RRM2: variants seen among roughly 807,000 people sequenced by gnomAD.
The protein encoded by RRM2 is ribonucleotide reductase regulatory subunit M2.
RRM2 carries 6 observed loss-of-function variants against 45.9 expected under a neutral mutation model. That is an observed-to-expected ratio of 0.13 (90% CI 0.07 to 0.26). RRM2 has a LOEUF of 0.26. Ranked by LOEUF, RRM2 falls within the 10% of genes least tolerant of loss-of-function variation. The probability of loss-of-function intolerance (pLI) is 1.00; values close to 1 mark genes in which losing one functional copy is unlikely to be tolerated. For missense variants in RRM2, 343 were observed against 489.5 expected, an observed-to-expected ratio of 0.70 and a Z score of 2.82; for synonymous variants, 177 against 173.0, an observed-to-expected ratio of 1.02 and a Z score of -0.18.
In RRM2 at chr2:10,143,103, G is replaced by A. The variant is rs190436766; in HGVS notation, n.482+728G>A. On this transcript the variant is annotated intron_variant and non_coding_transcript_variant, in intron 3 of 3. Transcript: ENST00000381786. ...TTAGCCAGGATGGTCTTGATCTCCT[G>A]ACCTCGTGATCTGCCTGCCTTGGCC... Among the ~76,000 whole-genome samples the A allele has an allele frequency of 1.5e-3, 229 of 152,304 alleles. 2 individuals carry two copies. Among genetic ancestry groups the A allele is most frequent in the Admixed American group, 0.012 (191 of 15,298 alleles).
intron 3 of RRM2, among the ~76,000 whole-genome samples, chr2:10,147,100 G>A (rs1021240366): frequency 6.6e-6 from 1 of 151,842 alleles, no homozygotes; most frequent in Non-Finnish European, 1.5e-5. Context: ...TTACAGGCGC[G>A]CACTACCACG....
At position 10,174,574 on chromosome 2, in the gene RRM2, T is replaced by TAA. The variant is rs5829250; in HGVS notation, n.482+32214_482+32215dup. ...ACTGTAGACTACTGAATTATTTCCT[T>TAA]AAAAAAAAAAAAAAAAGGCTAGGTA... On this transcript the variant is annotated intron_variant and non_coding_transcript_variant, in intron 3 of 3. Transcript: ENST00000381786. 4.0e-3 allele frequency among the ~76,000 whole-genome samples: 576 copies of TAA among 143,520 alleles called. 3 individuals are homozygous for TAA. Among genetic ancestry groups the TAA allele is most frequent in the East Asian group, 0.034 (167 of 4,886 alleles). 94.2% of individuals were successfully genotyped at this position (143,520 alleles called of 152,430 possible). A position where few individuals can be genotyped will look rare whatever the true frequency, so the allele number is the denominator to read the frequency against.
chr2:10,124,669 T>G (rs757742362), intron 4 of RRM2, 48 bp from the exon 5 acceptor site: 1 of 1,609,400 alleles, frequency 6.2e-7, no homozygotes, highest in South Asian at 1.1e-5. Context: ...TGACAGTTGC[T>G]GCTGTTGGTT....
chr2:10,132,419 A>G (rs1662919213), downstream of RRM2, among the ~76,000 whole-genome samples: 1 of 151,958 alleles, frequency 6.6e-6, no homozygotes, highest in Admixed American at 6.6e-5. Flanking sequence ...GGGGGAGATG[A>G]TGTTTCCTTA....
intron 3 of RRM2, among the ~76,000 whole-genome samples, chr2:10,168,975 T>G (rs536951629): frequency 1.3e-5 from 2 of 151,940 alleles, no homozygotes; most frequent in African/African-American, 4.8e-5. Flanking sequence ...TATTATAATA[T>G]TTATTTATTT....
intron 3 of RRM2, among the ~76,000 whole-genome samples, chr2:10,174,869 T>A (rs947375313): frequency 1.3e-5 from 1 of 79,744 alleles, no homozygotes; most frequent in South Asian, 4.8e-4. Flanking sequence ...TCAAAAATGG[T>A]TAAAAAAAAA....
At chr2:10,180,605 G>T (rs930517142) in intron 3 of RRM2, among the ~76,000 whole-genome samples, 6 of 152,222 alleles carry the variant, frequency 3.9e-5, no homozygotes, top group Admixed American at 1.3e-4. Flanking sequence ...CCTGCCTCCT[G>T]CTCACTAGGC....
At chr2:10,173,534 G>A (rs1291091284) in intron 3 of RRM2, among the ~76,000 whole-genome samples, 1 of 152,184 alleles carries the variant, frequency 6.6e-6, no homozygotes, top group Non-Finnish European at 1.5e-5. Context: ...CCCAATGCAG[G>A]CCCGTGGCTG....
intron 3 of RRM2, among the ~76,000 whole-genome samples, chr2:10,167,912 C>G (rs530351621): frequency 1.3e-5 from 2 of 152,162 alleles, no homozygotes; most frequent in South Asian, 4.2e-4. Flanking sequence ...GGAGACAGCT[C>G]TAAAGCATGC....
At position 10,129,399 on chromosome 2, in the gene RRM2, T is replaced by G; in HGVS notation, c.*13T>G. On this transcript the variant is annotated 3_prime_UTR_variant, in exon 10 of 10. Transcript: ENST00000304567. This position sits in a 1 kb window ranked among gnomAD's most constrained non-coding sequence, Gnocchi z 4.8. ...TGCTGACTTCTAAATGAACTGAAGA[T>G]GTGCCCTTACTTGGCTGATTTTTTT... 1 of 1,594,170 alleles carries G rather than the reference T, an allele frequency of 6.3e-7. No individual in the cohort carries two copies. The highest frequency in any genetic ancestry group is 8.5e-7 in the Non-Finnish European group (1 of 1,174,012).
At chr2:10,209,421 C>A (rs1230565538) in intron 3 of RRM2, among the ~76,000 whole-genome samples, 1 of 152,152 alleles carries the variant, frequency 6.6e-6, no homozygotes, top group Non-Finnish European at 1.5e-5. Flanking sequence ...CACCTCAGCA[C>A]CTCCATGTTG....
chr2:10,173,440 C>G (rs1663844918), intron 3 of RRM2, among the ~76,000 whole-genome samples: 1 of 152,212 alleles, frequency 6.6e-6, no homozygotes, highest in Non-Finnish European at 1.5e-5. Flanking sequence ...CAGCTGGACC[C>G]ATCATCTGGC....
At chr2:10,196,274 C>T (rs919574768) in intron 3 of RRM2, among the ~76,000 whole-genome samples, 1 of 152,292 alleles carries the variant, frequency 6.6e-6, no homozygotes, top group Admixed American at 6.5e-5. Flanking sequence ...CCACGAGCCC[C>T]CACCAACTGC....
intron 3 of RRM2, among the ~76,000 whole-genome samples, chr2:10,203,144 T>C (rs1340362677): frequency 6.6e-6 from 1 of 152,162 alleles, no homozygotes; most frequent in Non-Finnish European, 1.5e-5. Flanking sequence ...CCCACCCACA[T>C]CTGGCTCGGA....
chr2:10,125,446 C>T (rs999712567), intron 5 of RRM2, among the ~76,000 whole-genome samples: 39 of 152,196 alleles, frequency 2.6e-4, no homozygotes, highest in Admixed American at 2.2e-3. Flanking sequence ...TGGTTCTCGC[C>T]TGTAATCCCA....
At position 10,123,117 on chromosome 2, in the gene RRM2, G is replaced by A. The variant is rs1331090511; in HGVS notation, c.174+60G>A. 4 of 1,499,662 alleles carry A rather than the reference G, an allele frequency of 2.7e-6. No homozygotes were observed. The Admixed American group carries it at 6.2e-5, about 23-fold the overall frequency. 92.9% of individuals were successfully genotyped at this position (1,499,662 alleles called of 1,614,324 possible). On this transcript the variant is annotated intron_variant, in intron 2 of 9. Transcript: ENST00000304567. ...CGGCCTTGGGCGTCTTGGCGCCAAAGCCGCATTGTTTCCTCAGCTGTTCAC... is the reference window on the plus strand; with the variant it reads ...CGGCCTTGGGCGTCTTGGCGCCAAAACCGCATTGTTTCCTCAGCTGTTCAC...
chr2:10,144,735 G>A (rs1425966295), intron 3 of RRM2, among the ~76,000 whole-genome samples: 2 of 152,168 alleles, frequency 1.3e-5, no homozygotes, highest in Non-Finnish European at 2.9e-5. Context: ...TTTACCCAGG[G>A]AGGGTCAGCA....
downstream of RRM2, among the ~76,000 whole-genome samples, chr2:10,133,487 G>T (rs915621111): frequency 1.3e-5 from 2 of 152,160 alleles, no homozygotes; most frequent in Non-Finnish European, 1.5e-5. Flanking sequence ...TGCCAGTGTC[G>T]GTCTGGAGAT....
chr2:10,131,138 A>G lies in RRM2; in HGVS notation c.*1752A>G, dbSNP rs1278582773. ...TCTCTGTAATATGATACATTTTCCT[A>G]TCTTTTAAGTTATTGTTACCTAAAG... On this transcript the variant is annotated 3_prime_UTR_variant, in exon 10 of 10. Transcript: ENST00000304567. The G allele has an allele frequency of 6.6e-6, 1 of 152,144 alleles. No individual in the cohort carries two copies. The highest frequency in any genetic ancestry group is 1.5e-5 in the Non-Finnish European group (1 of 68,032). 9.4% of individuals were successfully genotyped at this position (152,144 alleles called of 1,614,324 possible).
Sources: gnomAD v4.1 joint callset for allele counts (sites outside exome capture counted in the v4.1 genomes callset) on GRCh38, gnomAD v4.1.1 for gene constraint, Gnocchi (gnomAD v3.1) non-coding constraint, MANE v1.5 for transcripts, NCBI Gene and HGNC (gene_info 2026-07-23, HGNC 2026-07-21) for gene names.